AFDN: variants seen among roughly 807,000 people sequenced by gnomAD.
AFDN encodes the protein afadin, adherens junction formation factor.
Under a neutral mutation model 216.6 loss-of-function variants are expected in AFDN, and 68 were observed. The observed-to-expected ratio is 0.31, with a 90% CI of 0.26 to 0.38. The LOEUF (loss-of-function observed/expected upper bound fraction) is 0.38, where lower values mean the gene tolerates loss of function less well. Ranked by LOEUF, AFDN falls within the 10% of genes least tolerant of loss-of-function variation. The probability of loss-of-function intolerance (pLI) is 1.00; values close to 1 mark genes in which losing one functional copy is unlikely to be tolerated. For synonymous variants in AFDN, 868 were observed against 853.7 expected (o/e 1.02, Z -0.29); for missense variants, 2,136 against 2,342.0 (o/e 0.91, Z 1.82).
intron 1 of AFDN, among the ~76,000 whole-genome samples, chr6:167,833,962 A>T (rs1271191219): frequency 1.3e-5 from 2 of 152,224 alleles, no homozygotes; most frequent in East Asian, 3.8e-4. Context: ...CTCATACAGT[A>T]TACCATGATT....
chr6:167,838,715 T>G (rs1780722640), intron 1 of AFDN, among the ~76,000 whole-genome samples: 1 of 152,216 alleles, frequency 6.6e-6, no homozygotes, highest in South Asian at 2.1e-4. Flanking sequence ...TCTTCTCTGG[T>G]GATGAGCCTT....
intron 10 of AFDN, 41 bp from the exon 11 acceptor site, chr6:167,898,164 A>T: frequency 6.8e-6 from 11 of 1,606,418 alleles, no homozygotes; most frequent in Non-Finnish European, 9.4e-6. Context: ...AATGCTGTGA[A>T]CTTCATGATG....
chr6:167,854,035 A>G (rs1442093261), intron 1 of AFDN, among the ~76,000 whole-genome samples: 1 of 152,044 alleles, frequency 6.6e-6, no homozygotes, highest in Non-Finnish European at 1.5e-5. Flanking sequence ...TAATTTTACC[A>G]AATGTTGCCA....
intron 1 of AFDN, among the ~76,000 whole-genome samples, chr6:167,856,986 CTT>C (rs953709080): frequency 2.6e-5 from 4 of 152,040 alleles, no homozygotes; most frequent in African/African-American, 7.2e-5. Flanking sequence ...TGAAGCATCA[CTT>C]TGTAAGAAAG....
At chr6:167,954,946 A>AC (rs1352578621) in intron 30 of AFDN, among the ~76,000 whole-genome samples, 2 of 151,596 alleles carry the variant, frequency 1.3e-5, no homozygotes, top group Admixed American at 1.3e-4. Flanking sequence ...TTTCCAGTGA[A>AC]CATGTATTCT....
At chr6:167,886,432 T>C (rs890726958) in intron 6 of AFDN, among the ~76,000 whole-genome samples, 3 of 152,208 alleles carry the variant, frequency 2.0e-5, no homozygotes, top group African/African-American at 7.2e-5. Context: ...GTAAGGTTGT[T>C]CAGTCAAGGT....
At chr6:167,849,541 T>TA (rs1433082706) in intron 1 of AFDN, among the ~76,000 whole-genome samples, 4 of 152,224 alleles carry the variant, frequency 2.6e-5, no homozygotes, top group South Asian at 2.1e-4. Flanking sequence ...TTACACATCT[T>TA]ACCATATTCT....
intron 1 of AFDN, among the ~76,000 whole-genome samples, chr6:167,841,039 A>G (rs1318567563): frequency 6.6e-6 from 1 of 152,208 alleles, no homozygotes; most frequent in Non-Finnish European, 1.5e-5. Context: ...GGCCTGAACT[A>G]AGGTAACAGG....
At chr6:167,966,779 C>G (rs1797609672) in intron 32 of AFDN, among the ~76,000 whole-genome samples, 1 of 152,196 alleles carries the variant, frequency 6.6e-6, no homozygotes, top group Admixed American at 6.5e-5. Flanking sequence ...GTTGGTGTGG[C>G]CGGAGCATCC....
intron 6 of AFDN, among the ~76,000 whole-genome samples, chr6:167,882,881 G>A (rs1015760548): frequency 6.6e-6 from 1 of 151,970 alleles, no homozygotes; most frequent in African/African-American, 2.4e-5. Flanking sequence ...TGCATATAAA[G>A]GTTTGGGGAG....
intron 12 of AFDN, among the ~76,000 whole-genome samples, chr6:167,906,330 AGT>A (rs1789685967): frequency 1.3e-5 from 2 of 152,232 alleles, no homozygotes; most frequent in South Asian, 2.1e-4. Flanking sequence ...CATCTGAAAA[AGT>A]GTTTTTTTAT....
Position 167,965,906 on chromosome 6 carries a change from C to A in AFDN, c.5118C>A (p.Pro1706=). 1 of 1,549,732 alleles carries A rather than the reference C, an allele frequency of 6.5e-7. No individual in the cohort carries two copies. Among genetic ancestry groups the A allele is most frequent in the African/African-American group, 1.4e-5 (1 of 73,144 alleles). ...PRDYEPPSPS[P]APGAPPPPPQ... ...ACTACGAGCCCCCGTCCCCGTCCCC[C>A]GCGCCCGGCGCCCCTCCTCCCCCGC... The change falls in exon 32 of 34, where the codon CCC becomes CCA. Residue 1706 remains proline, a synonymous_variant. Transcript: ENST00000683244.
Position 167,872,337 on chromosome 6 carries a change from G to T in AFDN, c.538G>T (p.Ala180Ser). The change falls in exon 4 of 34, where the codon GCA becomes TCA. Residue 180 changes from alanine to serine, a missense_variant. By Grantham distance (99) the Ala-to-Ser change is moderately conservative (BLOSUM62 1). Coordinates refer to ENST00000683244, the MANE Select transcript of AFDN (RefSeq NM_001386888.1). ...GAGAGAAAAAGAGGCATTGCGACAGGCATCTGATAAAGATGATAGACCTTT... is the reference window on the plus strand; with the variant it reads ...GAGAGAAAAAGAGGCATTGCGACAGTCATCTGATAAAGATGATAGACCTTT... The part of the protein sequence containing the change: ...KKREKEALRQ[A>S]SDKDDRPFQG... 1 of 1,613,736 alleles carries T rather than the reference G, an allele frequency of 6.2e-7. No individual in the cohort carries two copies.
At chr6:167,861,792 C>T (rs1343049782) in intron 1 of AFDN, among the ~76,000 whole-genome samples, 2 of 152,168 alleles carry the variant, frequency 1.3e-5, no homozygotes, top group African/African-American at 4.8e-5. Context: ...TATTTGTTGG[C>T]AATTCTCAGG....
Position 167,827,014 on chromosome 6 carries a change from CGCGGAG to C in AFDN, c.-108_-103del, listed in dbSNP as rs1162433489. 104 of 267,268 alleles carry C rather than the reference CGCGGAG, an allele frequency of 3.9e-4. No homozygotes were observed. The highest frequency in any genetic ancestry group is 1.4e-3 in the Admixed American group (21 of 15,092). The allele number at this position is 267,268 out of a possible 1,614,324, so 16.6% of individuals were successfully genotyped here. On this transcript the variant is annotated 5_prime_UTR_variant, in exon 1 of 34. Transcript: ENST00000683244. Reference sequence around the variant, plus strand: ...GCGCGGCCGCGGAGGCGGAGGCAGCCGCGGAGGCGGAGGCGGCCGGCGGGGGGTGGC... The same window carrying C: ...GCGCGGCCGCGGAGGCGGAGGCAGCCGCGGAGGCGGCCGGCGGGGGGTGGC...
At position 167,951,758 on chromosome 6, in the gene AFDN, G is replaced by C. The variant is rs1166679877; in HGVS notation, c.4404G>C (p.Gln1468His). The change falls in exon 30 of 34, where the codon CAG becomes CAC. Residue 1468 changes from glutamine to histidine, a missense_variant. By Grantham distance (24) the Gln-to-His change is conservative. Around this residue, in one of 8 missense-constraint regions of AFDN, gnomAD observed 981 missense variants for 966.0 expected, o/e 1.02. Coordinates refer to ENST00000683244, the MANE Select transcript of AFDN (RefSeq NM_001386888.1). The surrounding 1 kb of genome is among the most constrained non-coding windows in gnomAD (Gnocchi z 7.1). ...PAPFSPLTAQ[Q>H]MKPEKPSTLQ... is the part of the protein sequence containing the mutation. ...CGTTTTCTCCCCTGACTGCACAGCA[G>C]ATGAAGCCCGAAAAGCCTTCCACAC... 1.2e-5 allele frequency: 20 copies of C among 1,614,152 alleles called. No individual in the cohort carries two copies. Among genetic ancestry groups the C allele is most frequent in the Non-Finnish European group, 1.7e-5 (20 of 1,180,040 alleles).
chr6:167,861,477 C>T (rs963150291), intron 1 of AFDN, among the ~76,000 whole-genome samples: 1 of 152,094 alleles, frequency 6.6e-6, no homozygotes. Flanking sequence ...CCTTGGGTTT[C>T]TTTTTTTTCT....
At chr6:167,911,214 C>A (rs761259438) in intron 14 of AFDN, 52 bp downstream of exon 14, 2 of 1,601,820 alleles carry the variant, frequency 1.2e-6, no homozygotes, top group African/African-American at 2.7e-5. Flanking sequence ...ATCCATTTTA[C>A]TCCATCTGAT....
chr6:167,828,805 C>G (rs1459764127), intron 1 of AFDN, among the ~76,000 whole-genome samples: 1 of 106,876 alleles, frequency 9.4e-6, no homozygotes, highest in Non-Finnish European at 1.9e-5. Context: ...TTTCTCAAGT[C>G]TGGTGGAAAG....
Sources: gnomAD v4.1 joint callset for allele counts (sites outside exome capture counted in the v4.1 genomes callset) on GRCh38, gnomAD v4.1.1 for gene constraint, gnomAD v4.1.1 regional missense constraint, Gnocchi (gnomAD v3.1) non-coding constraint, MANE v1.5 for transcripts, NCBI Gene and HGNC (gene_info 2026-07-23, HGNC 2026-07-21) for gene names.